Variants in MYOM1 observed in about 807,000 individuals in gnomAD.
The protein encoded by MYOM1 is myomesin-1.
A neutral mutation model predicts 205.3 loss-of-function variants in MYOM1; 164 were observed. The ratio of observed to expected loss-of-function variants is 0.80; its 90% CI spans 0.70 to 0.91. The LOEUF (loss-of-function observed/expected upper bound fraction) is 0.91, where lower values mean the gene tolerates loss of function less well. Ranked by LOEUF, MYOM1 falls within the 40% of genes least tolerant of loss-of-function variation. The pLI is 0.00. For missense variants in MYOM1, 2,011 were observed against 2,127.3 expected (o/e 0.95, Z 1.08); for synonymous variants, 772 against 789.4 (o/e 0.98, Z 0.37).
Position 3,164,414 on chromosome 18 carries a change from C to T in MYOM1, c.1365G>A (p.Trp455Ter), listed in dbSNP as rs374593777. Reference protein sequence around the residue: ...RNGVPLSPSKWVQTLWSGERA... With the variant: ...RNGVPLSPSK ...GCTCTCCACTCCAAAGTGTTTGCAC[C>T]CATTTTGATGGAGAAAGAGGTACTC... The change falls in exon 10 of 38, where the codon TGG (tryptophan) becomes TGA (stop). Residue 455 changes from tryptophan to a stop codon, truncating the protein, a stop_gained. Coordinates refer to ENST00000356443, the MANE Select transcript of MYOM1 (RefSeq NM_003803.4). LOFTEE classifies it high-confidence loss of function. The T allele has an allele frequency of 1.0e-5, 16 of 1,605,676 alleles. No homozygotes were observed. The African/African-American group carries it at 1.6e-4, about 16-fold the overall frequency.
chr18:3,211,410 G>T (rs990995332), intron 2 of MYOM1, among the ~76,000 whole-genome samples: 1 of 152,124 alleles, frequency 6.6e-6, no homozygotes, highest in Non-Finnish European at 1.5e-5. Flanking sequence ...GAAAACTACA[G>T]TCCCTCTCTC....
At chr18:3,164,211 A>G in intron 10 of MYOM1, 67 bp downstream of exon 10, 5 of 1,517,794 alleles carry the variant, frequency 3.3e-6, no homozygotes, top group Non-Finnish European at 2.7e-6. Context: ...CTGTTTTGTA[A>G]TCAAAAACTG....
At chr18:3,240,095 T>C in the MYOM1 span, among the ~76,000 whole-genome samples, 1 of 152,226 alleles carries the variant, frequency 6.6e-6, no homozygotes, top group Non-Finnish European at 1.5e-5. Context: ...GGTATTAGTT[T>C]TATTTCGGGG....
chr18:3,077,144 C>T (rs1477472362), intron 34 of MYOM1, among the ~76,000 whole-genome samples: 1 of 151,822 alleles, frequency 6.6e-6, no homozygotes, highest in East Asian at 1.9e-4. Context: ...TCTCGAGTAG[C>T]TGGGACTATA....
intron 26 of MYOM1, 53 bp from the exon 27 acceptor site, chr18:3,090,855 T>A: frequency 6.2e-7 from 1 of 1,605,112 alleles, no homozygotes; most frequent in South Asian, 1.1e-5. Flanking sequence ...ATATTTTACT[T>A]GGAATGACAA....
At chr18:3,142,400 C>T (rs1053776565) in intron 13 of MYOM1, among the ~76,000 whole-genome samples, 1 of 151,850 alleles carries the variant, frequency 6.6e-6, no homozygotes, top group African/African-American at 2.4e-5. Context: ...CAGCTGGGAC[C>T]ACAGGTGCAC....
At chr18:3,136,152 C>T (rs528957830) in intron 14 of MYOM1, among the ~76,000 whole-genome samples, 5 of 152,034 alleles carry the variant, frequency 3.3e-5, no homozygotes, top group South Asian at 4.1e-4. Flanking sequence ...GTAAGACGTG[C>T]CTTTCGCCTT....
chr18:3,097,938 G>A (rs2079326399), intron 25 of MYOM1, among the ~76,000 whole-genome samples: 1 of 152,162 alleles, frequency 6.6e-6, no homozygotes, highest in Non-Finnish European at 1.5e-5. Context: ...AAACTCCAGG[G>A]AGGCCTGGGC....
At chr18:3,211,880 C>T (rs905056057) in intron 2 of MYOM1, among the ~76,000 whole-genome samples, 3 of 152,156 alleles carry the variant, frequency 2.0e-5, no homozygotes, top group Non-Finnish European at 4.4e-5. Context: ...ATAGACCAAG[C>T]CGAGCACTTA....
chr18:3,096,338 C>T (rs2079303505), intron 25 of MYOM1, among the ~76,000 whole-genome samples: 1 of 152,132 alleles, frequency 6.6e-6, no homozygotes, highest in South Asian at 2.1e-4. Flanking sequence ...ATATATACTG[C>T]TTAAATACTC....
chr18:3,124,201 A>C (rs1158441374), intron 19 of MYOM1, among the ~76,000 whole-genome samples: 1 of 151,496 alleles, frequency 6.6e-6, no homozygotes, highest in Non-Finnish European at 1.5e-5. Context: ...GACCAGTGGA[A>C]CAGCATGGGA....
At chr18:3,097,117 C>CT (rs1272877442) in intron 25 of MYOM1, among the ~76,000 whole-genome samples, 3 of 152,154 alleles carry the variant, frequency 2.0e-5, no homozygotes, top group African/African-American at 7.2e-5. Context: ...ATACTATACT[C>CT]TTTATTACAT....
intron 2 of MYOM1, among the ~76,000 whole-genome samples, chr18:3,196,765 T>A (rs1402588119): frequency 1.3e-5 from 2 of 152,180 alleles, no homozygotes; most frequent in African/African-American, 4.8e-5. Context: ...CTATGACTGG[T>A]AGCACCACAG....
intron 37 of MYOM1, among the ~76,000 whole-genome samples, chr18:3,069,082 T>TC (rs1185040254): frequency 6.6e-6 from 1 of 152,168 alleles, no homozygotes; most frequent in Non-Finnish European, 1.5e-5. Flanking sequence ...GCCCATGTTT[T>TC]CTTTTTTTTT....
At position 3,122,506 on chromosome 18, in the gene MYOM1, T is replaced by A. The variant is rs148164549; in HGVS notation, c.2992-2511A>T. On this transcript the variant is annotated intron_variant, in intron 19 of 37. Transcript: ENST00000356443. ...CATTTTAAATGAGTGAACTTTATGA[T>A]GTGTGAATTATATCTTAATAAAGGG... Among the ~76,000 whole-genome samples the A allele has an allele frequency of 5.6e-3, 860 of 152,334 alleles. 11 individuals are homozygous for A. Among genetic ancestry groups the A allele is most frequent in the African/African-American group, 0.02 (836 of 41,584 alleles).
rs1286611107 is a variant in MYOM1, at chr18:3,067,494, T to A, written c.4826A>T (p.Asn1609Ile). The A allele has an allele frequency of 6.2e-7, 1 of 1,613,754 alleles. No individual in the cohort carries two copies. The highest frequency in any genetic ancestry group is 8.5e-7 in the Non-Finnish European group (1 of 1,179,912). ...DPPPEVSWLK[N>I]EKALASDDHC... ...GTCGTCTGAGGCCAGGGCCTTCTCGTTCTTCAACCACGACACCTCCGGAGG... is the reference window on the plus strand; with the variant it reads ...GTCGTCTGAGGCCAGGGCCTTCTCGATCTTCAACCACGACACCTCCGGAGG... The change falls in exon 38 of 38, where the codon AAC (asparagine) becomes ATC (isoleucine). Residue 1609 changes from asparagine (N) to isoleucine (I), a missense_variant. Physicochemically the swap from Asn to Ile is moderately radical, Grantham distance 149. Transcript: ENST00000356443.
At chr18:3,127,817 A>G (rs1052180679) in intron 18 of MYOM1, among the ~76,000 whole-genome samples, 14 of 152,230 alleles carry the variant, frequency 9.2e-5, no homozygotes, top group African/African-American at 3.1e-4. Flanking sequence ...CTTTTATCAC[A>G]TTATTTTTAA....
chr18:3,092,902 G>A (rs73371172), intron 26 of MYOM1, among the ~76,000 whole-genome samples: 2,078 of 152,278 alleles, frequency 0.014, 59 homozygotes, highest in African/African-American at 0.046. Flanking sequence ...GCTTGAACAC[G>A]TGAAGGGGAG....
At chr18:3,119,748 G>T in intron 20 of MYOM1, 121 bp downstream of exon 20, 2 of 1,261,790 alleles carry the variant, frequency 1.6e-6, no homozygotes, top group Non-Finnish European at 2.1e-6. Flanking sequence ...AACACAAGGG[G>T]CCAAGAGAAT....
Sources: allele counts gnomAD v4.1 joint callset (sites outside exome capture counted in the v4.1 genomes callset), GRCh38; gene constraint gnomAD v4.1.1; transcripts MANE v1.5; gene names NCBI Gene and HGNC (gene_info 2026-07-23, HGNC 2026-07-21).